UTP4: variants seen among roughly 807,000 people sequenced by gnomAD.
The protein encoded by UTP4 is U3 small nucleolar RNA-associated protein 4 homolog.
UTP4 carries 45 observed loss-of-function variants against 82.4 expected under a neutral mutation model. The ratio of observed to expected loss-of-function variants is 0.55; its 90% confidence interval spans 0.43 to 0.70. The LOEUF is 0.70. Ranked by LOEUF, UTP4 falls within the 30% of genes least tolerant of loss-of-function variation. The pLI is 0.00. For synonymous variants in UTP4, 348 were observed against 300.3 expected (o/e 1.16, Z -1.64); for missense variants, 819 against 858.3 (o/e 0.95, Z 0.57).
chr16:69,165,892 A>G (rs139174968), intron 15 of UTP4: 3 of 386,908 alleles, frequency 7.8e-6, no homozygotes, highest in Non-Finnish European at 1.5e-5. Context: ...CTTGCTTTCA[A>G]CTTTGAACTC....
At chr16:69,156,955 TC>T in intron 11 of UTP4, 128 bp from the exon 12 acceptor site, 1 of 866,172 alleles carries the variant, frequency 1.2e-6, no homozygotes, top group Non-Finnish European at 1.9e-6. Context: ...AAACCAGTGT[TC>T]TGTGCCGAGT....
At chr16:69,166,531 G>A (rs1158182852) in intron 15 of UTP4, 1 of 153,750 alleles carries the variant, frequency 6.5e-6, no homozygotes, top group Admixed American at 6.5e-5. Context: ...GGAAGTCAGA[G>A]ACAAAATATC....
intron 12 of UTP4, among the ~76,000 whole-genome samples, chr16:69,158,287 C>G (rs1322537622): frequency 1.3e-5 from 2 of 149,300 alleles, no homozygotes; most frequent in East Asian, 4.0e-4. Context: ...ATCCTTCCAC[C>G]TCAGCCTCCC....
intron 1 of UTP4, 69 bp downstream of exon 1, chr16:69,132,758 G>C (rs1038210958): frequency 1.7e-5 from 4 of 241,086 alleles, no homozygotes; most frequent in African/African-American, 4.8e-5. Flanking sequence ...GGCCGGCCCA[G>C]GGTCGGCGTC....
At chr16:69,159,204 G>A (rs1963502385) in intron 12 of UTP4, among the ~76,000 whole-genome samples, 1 of 151,962 alleles carries the variant, frequency 6.6e-6, no homozygotes, top group Non-Finnish European at 1.5e-5. Context: ...AGCCTCCCTA[G>A]TAGCTGGGAT....
At position 69,155,966 on chromosome 16, in the gene UTP4, T is replaced by C; in HGVS notation, c.1260T>C (p.Tyr420=). The C allele has an allele frequency of 6.2e-7, 1 of 1,614,184 alleles. No individual in the cohort carries two copies. Among genetic ancestry groups the C allele is most frequent in the Non-Finnish European group, 8.5e-7 (1 of 1,180,028 alleles). ...GGTTTTTTCTCTATCGGCTGAATTA[T>C]GAACATGACAACATAAGCCTCAAAA... ...VSRFFLYRLN[Y]EHDNISLKRV... Residue 420 remains tyrosine, a synonymous_variant, in exon 11 of 17, where the codon TAT becomes TAC. Transcript: ENST00000314423.
intron 6 of UTP4, among the ~76,000 whole-genome samples, chr16:69,148,528 G>A (rs1963181421): frequency 6.6e-6 from 1 of 152,120 alleles, no homozygotes; most frequent in African/African-American, 2.4e-5. Context: ...CACCACGCCT[G>A]GCCCTGGATT....
chr16:69,160,406 C>T lies in UTP4; in HGVS notation c.1495C>T (p.Leu499=), dbSNP rs766635420. The T allele has an allele frequency of 1.2e-6, 2 of 1,613,984 alleles. No homozygotes were observed. Among genetic ancestry groups the T allele is most frequent in the Non-Finnish European group, 1.7e-6 (2 of 1,180,020 alleles). Residue 499 remains leucine, a synonymous_variant, in exon 13 of 17, where the codon CTA becomes TTA. Transcript: ENST00000314423. ...GGCAGTCAGTCCAGATGGGAATTGG[C>T]TAGCTGCATCAGGTACCAGTGCTGG... is the stretch of plus-strand genomic sequence containing the variant. The part of the protein sequence containing the change: ...LLAVSPDGNW[L]AASGTSAGVH...
At position 69,141,255 on chromosome 16, in the gene UTP4, G is replaced by C. The variant is rs1053269680; in HGVS notation, c.526+1341G>C. Among the ~76,000 whole-genome samples, 4 of 152,250 alleles carry C rather than the reference G, an allele frequency of 2.6e-5. No homozygotes were observed. In the South Asian group the frequency reaches 6.2e-4, roughly 24 times the overall value. On this transcript the variant is annotated intron_variant, in intron 5 of 16. Transcript: ENST00000314423. ...TGATTGATTTTTCCATTGTTCTCGGGATCTCCTTTGCTTCTCTATCGGATA... is the reference window on the plus strand; with the variant it reads ...TGATTGATTTTTCCATTGTTCTCGGCATCTCCTTTGCTTCTCTATCGGATA...
chr16:69,166,617 G>A (rs1963709545), intron 15 of UTP4: 2 of 164,432 alleles, frequency 1.2e-5, no homozygotes, highest in African/African-American at 2.4e-5. Context: ...TTCGCCTGGG[G>A]AGAACTCCAG....
intron 16 of UTP4, chr16:69,167,851 A>T (rs1963738255): frequency 6.6e-6 from 1 of 152,048 alleles, no homozygotes; most frequent in South Asian, 2.1e-4. Context: ...ACAAAAAAAA[A>T]AAAAATATAA....
At chr16:69,155,346 T>G (rs945064315) in intron 10 of UTP4, among the ~76,000 whole-genome samples, 3 of 152,046 alleles carry the variant, frequency 2.0e-5, no homozygotes, top group Admixed American at 6.6e-5. Context: ...GCTAATTTTT[T>G]GTAGAGTCAG....
chr16:69,148,852 T>C (rs1963188556), intron 6 of UTP4, among the ~76,000 whole-genome samples: 1 of 152,156 alleles, frequency 6.6e-6, no homozygotes, highest in Admixed American at 6.6e-5. Context: ...GTGATTCTCC[T>C]GCCTTCCAAA....
chr16:69,168,318 C>A (rs2152285166), intron 16 of UTP4, among the ~76,000 whole-genome samples: 1 of 151,972 alleles, frequency 6.6e-6, no homozygotes. Context: ...CACCTGTAGT[C>A]CCAGCTACCC....
chr16:69,133,314 A>AT (rs1962699687), intron 1 of UTP4, 144 bp from the exon 2 acceptor site: 2 of 782,820 alleles, frequency 2.6e-6, no homozygotes. Flanking sequence ...TGTGGGGGGC[A>AT]TTGTTAGCAG....
At chr16:69,140,713 G>T (rs1173444344) in intron 5 of UTP4, among the ~76,000 whole-genome samples, 4 of 151,908 alleles carry the variant, frequency 2.6e-5, no homozygotes, top group Non-Finnish European at 5.9e-5. Context: ...AAAAAAGAGG[G>T]AGTCCTTCTA....
rs750661522 is a variant in UTP4, at chr16:69,137,904, G to A, written c.436+19G>A. On this transcript the variant is annotated intron_variant, in intron 4 of 16. Coordinates refer to ENST00000314423, the MANE Select transcript of UTP4 (RefSeq NM_032830.3). ...CAGAAAAGTAAGCGTCATTTTTCAT[G>A]GGGCGGTAAATAGCCTTAACAAGAA... The A allele has an allele frequency of 2.7e-6, 4 of 1,489,422 alleles. No individual in the cohort carries two copies. In the East Asian group the frequency reaches 9.0e-5, roughly 34 times the overall value. The allele number at this position is 1,489,422 out of a possible 1,614,324, so 92.3% of individuals were successfully genotyped here.
In UTP4 at chr16:69,148,392, C is replaced by T. The variant is rs148785178; in HGVS notation, c.739-2145C>T. Among the ~76,000 whole-genome samples, 756 of 151,016 alleles carry T rather than the reference C, an allele frequency of 5.0e-3. 4 individuals carry two copies. The highest frequency in any genetic ancestry group is 0.018 in the African/African-American group (735 of 41,112). ...AATTACAGATGTGAGCCACTGCGCC[C>T]GGCCTAATTTTTGTATTTTTAATAG... On this transcript the variant is annotated intron_variant, in intron 6 of 16. Coordinates refer to ENST00000314423, the MANE Select transcript of UTP4 (RefSeq NM_032830.3).
chr16:69,162,964 C>G, intron 13 of UTP4, 119 bp from the exon 14 acceptor site: 2 of 841,600 alleles, frequency 2.4e-6, no homozygotes, highest in Non-Finnish European at 4.2e-6. Context: ...TTTGGAACTT[C>G]CCTAGAACCC....
Sources: gnomAD v4.1 joint callset for allele counts (sites outside exome capture counted in the v4.1 genomes callset) on GRCh38, gnomAD v4.1.1 for gene constraint, MANE v1.5 for transcripts, NCBI Gene and HGNC (gene_info 2026-07-23, HGNC 2026-07-21) for gene names.